DLEC1: variants seen among roughly 807,000 people sequenced by gnomAD.
DLEC1 encodes the protein deleted in lung and esophageal cancer protein 1.
In DLEC1, 146 loss-of-function variants were observed where a neutral mutation model predicts 198.1. That is an observed-to-expected ratio of 0.74 (90% CI 0.64 to 0.85). The LOEUF (loss-of-function observed/expected upper bound fraction) is 0.85, where lower values mean the gene tolerates loss of function less well. DLEC1 is among the 40% of genes least tolerant of loss of function. DLEC1 has a pLI of 0.00. For missense variants in DLEC1, 2,233 were observed against 2,220.0 expected (o/e 1.01, Z -0.12); for synonymous variants, 897 against 866.8 (o/e 1.03, Z -0.61).
At chr3:38,120,318 G>A in intron 33 of DLEC1, 130 bp from the exon 34 acceptor site, 5 of 1,009,458 alleles carry the variant, frequency 5.0e-6, no homozygotes, top group Non-Finnish European at 7.6e-6. Flanking sequence ...GAAAGCACCA[G>A]GTTGGGGAGC....
At chr3:38,063,514 AAAG>A (rs1219189458) in intron 5 of DLEC1, among the ~76,000 whole-genome samples, 1 of 152,052 alleles carries the variant, frequency 6.6e-6, no homozygotes, top group Non-Finnish European at 1.5e-5. Context: ...GAAAGAAAAG[AAAG>A]AAAGATTAGA....
intron 6 of DLEC1, among the ~76,000 whole-genome samples, chr3:38,073,567 A>T (rs984078441): frequency 2.0e-5 from 3 of 152,136 alleles, no homozygotes; most frequent in Admixed American, 1.3e-4. Flanking sequence ...TGGGGAGAAG[A>T]GCGGCAATGA....
intron 33 of DLEC1, among the ~76,000 whole-genome samples, chr3:38,120,149 C>T (rs188815330): frequency 6.6e-6 from 1 of 152,350 alleles, no homozygotes; most frequent in Non-Finnish European, 1.5e-5. Flanking sequence ...CCTTCCTCTG[C>T]CTCTGAGCCC....
chr3:38,073,994 A>C (rs934934379), intron 6 of DLEC1, among the ~76,000 whole-genome samples: 11 of 152,190 alleles, frequency 7.2e-5, no homozygotes. Flanking sequence ...TAGGGGCTCT[A>C]GGAGTGGCTG....
chr3:38,043,359 T>C (rs573288376), intron 1 of DLEC1, among the ~76,000 whole-genome samples: 1 of 152,374 alleles, frequency 6.6e-6, no homozygotes, highest in South Asian at 2.1e-4. Context: ...TTGGTCTTGT[T>C]ATTTGGACTA....
intron 8 of DLEC1, among the ~76,000 whole-genome samples, chr3:38,085,699 C>T (rs1698417186): frequency 6.6e-6 from 1 of 152,122 alleles, no homozygotes; most frequent in South Asian, 2.1e-4. Flanking sequence ...AACAGTCCAG[C>T]TAACCCCACC....
At chr3:38,073,688 C>A (rs2125639456) in intron 6 of DLEC1, among the ~76,000 whole-genome samples, 1 of 152,178 alleles carries the variant, frequency 6.6e-6, no homozygotes. Flanking sequence ...AAGAGTGTTG[C>A]CCAAGTTGGC....
At chr3:38,081,555 G>C (rs1697996327) in intron 6 of DLEC1, among the ~76,000 whole-genome samples, 1 of 104,140 alleles carries the variant, frequency 9.6e-6, no homozygotes, top group African/African-American at 4.4e-5. Context: ...GGATGGGGCG[G>C]CTGGCCGGGC....
chr3:38,073,709 G>A (rs1475698186), intron 6 of DLEC1, among the ~76,000 whole-genome samples: 5 of 152,206 alleles, frequency 3.3e-5, no homozygotes, highest in Non-Finnish European at 7.3e-5. Context: ...ACCAGAGTGG[G>A]GGAGTTTTCA....
At chr3:38,069,325 T>C (rs1276013712) in intron 6 of DLEC1, among the ~76,000 whole-genome samples, 1 of 152,206 alleles carries the variant, frequency 6.6e-6, no homozygotes, top group Non-Finnish European at 1.5e-5. Context: ...CTATTCCCTA[T>C]TTTATGAAAC....
chr3:38,076,513 GC>G (rs1575153700), intron 6 of DLEC1, among the ~76,000 whole-genome samples: 2 of 152,184 alleles, frequency 1.3e-5, no homozygotes, highest in South Asian at 2.1e-4. Context: ...CAGTGGGGGA[GC>G]TTTTTGAGCC....
chr3:38,070,727 G>A (rs1250367184), intron 6 of DLEC1, among the ~76,000 whole-genome samples: 2 of 152,156 alleles, frequency 1.3e-5, no homozygotes, highest in Non-Finnish European at 2.9e-5. Context: ...AGCTTTTTGA[G>A]CCAGGAAAAG....
chr3:38,053,390 C>T (rs1008635089), intron 2 of DLEC1, among the ~76,000 whole-genome samples: 1 of 151,530 alleles, frequency 6.6e-6, no homozygotes, highest in Non-Finnish European at 1.5e-5. Context: ...TGGGGAGTGC[C>T]TCTGCCCCGC....
chr3:38,110,450 C>A (rs574582675), intron 23 of DLEC1, among the ~76,000 whole-genome samples, 169 bp downstream of exon 23: 1 of 152,266 alleles, frequency 6.6e-6, no homozygotes, highest in Admixed American at 6.5e-5. Context: ...CTCCTGCTGT[C>A]CACCTCCCGG....
chr3:38,121,017 C>A (rs1443642302), intron 34 of DLEC1, among the ~76,000 whole-genome samples: 1 of 150,070 alleles, frequency 6.7e-6, no homozygotes, highest in African/African-American at 2.5e-5. Flanking sequence ...AGGGCGAGCA[C>A]CATGGACCAG....
At chr3:38,048,860 C>T (rs965348063) in intron 2 of DLEC1, among the ~76,000 whole-genome samples, 3 of 152,178 alleles carry the variant, frequency 2.0e-5, no homozygotes, top group Admixed American at 2.0e-4. Context: ...GTATCTCTTC[C>T]TGTTTCCCCC....
At chr3:38,095,181 A>G in intron 13 of DLEC1, 110 bp downstream of exon 13, 1 of 1,381,660 alleles carries the variant, frequency 7.2e-7, no homozygotes, top group East Asian at 2.4e-5. Context: ...CCGAGGTGCT[A>G]TCCTGCCCAG....
At chr3:38,110,032 G>A (rs935112290) in intron 22 of DLEC1, 67 bp from the exon 23 acceptor site, 15 of 1,557,504 alleles carry the variant, frequency 9.6e-6, no homozygotes, top group Non-Finnish European at 1.3e-5. Context: ...CACCCAAGAT[G>A]GCTCCCTGGG....
intron 6 of DLEC1, among the ~76,000 whole-genome samples, chr3:38,064,722 G>A (rs914179170): frequency 4.6e-5 from 7 of 150,612 alleles, no homozygotes; most frequent in African/African-American, 1.5e-4. Flanking sequence ...GGGCAGAGGC[G>A]CTCCTCACAT....
Sources: allele counts gnomAD v4.1 joint callset (sites outside exome capture counted in the v4.1 genomes callset), GRCh38; gene constraint gnomAD v4.1.1; transcripts MANE v1.5; gene names NCBI Gene and HGNC (gene_info 2026-07-23, HGNC 2026-07-21).